The following MAP3K13 variants were observed in gnomAD, a reference collection of about 807,000 sequenced individuals.
MAP3K13 encodes the protein leucine zipper-bearing kinase.
MAP3K13 carries 52 observed loss-of-function variants against 104.0 expected under a neutral mutation model. The observed-to-expected ratio is 0.50, with a 90% CI of 0.40 to 0.63. MAP3K13 has a LOEUF of 0.63. Among genes scored for constraint, MAP3K13 ranks in the 20% least tolerant of loss-of-function variants. The pLI is 0.00. For synonymous variants in MAP3K13, 394 were observed against 442.2 expected, an observed-to-expected ratio of 0.89 and a Z score of 1.37; for missense variants, 914 against 1,218.5, an observed-to-expected ratio of 0.75 and a Z score of 3.72.
At chr3:185,283,968 G>C (rs1016708874) in intron 1 of MAP3K13, among the ~76,000 whole-genome samples, 2 of 142,334 alleles carry the variant, frequency 1.4e-5, no homozygotes, top group Non-Finnish European at 3.0e-5. Context: ...TGGCGATCTC[G>C]GCTCACTGCA....
intron 2 of MAP3K13, among the ~76,000 whole-genome samples, chr3:185,289,904 C>T (rs916363465): frequency 7.2e-5 from 11 of 152,094 alleles, no homozygotes; most frequent in Admixed American, 2.0e-4. Flanking sequence ...GGAGAGGCTG[C>T]GTTGTATAGT....
At chr3:185,380,787 C>T (rs1053273870) in intron 1 of MAP3K13, among the ~76,000 whole-genome samples, 1 of 152,120 alleles carries the variant, frequency 6.6e-6, no homozygotes, top group South Asian at 2.1e-4. Context: ...GTGATGCTAA[C>T]GCTGCTGGTC....
intron 1 of MAP3K13, among the ~76,000 whole-genome samples, chr3:185,425,368 A>G (rs932484712): frequency 6.6e-6 from 1 of 152,170 alleles, no homozygotes; most frequent in Non-Finnish European, 1.5e-5. Flanking sequence ...CAAATAAGTG[A>G]TTTGAAAAGT....
Position 185,473,473 on chromosome 3 carries a change from C to T in MAP3K13, c.2142C>T (p.Asp714=). The change falls in exon 11 of 14, where the codon GAC becomes GAT. Residue 714 remains aspartate, a synonymous_variant. Transcript: ENST00000265026. The surrounding 1 kb of genome is among the most constrained non-coding windows in gnomAD (Gnocchi z 4.9). ...AADCWRSSEP[D]KGQAGPWGCC... is the part of the protein sequence containing the mutation. ...ACTGCTGGAGAAGTTCTGAGCCTGA[C>T]AAGGGCCAAGCTGGTCCCTGGGGCT... is the stretch of plus-strand genomic sequence containing the variant. 1 of 1,614,202 alleles carries T rather than the reference C, an allele frequency of 6.2e-7. No individual in the cohort carries two copies.
intron 2 of MAP3K13, among the ~76,000 whole-genome samples, chr3:185,323,395 G>A (rs1267717959): frequency 6.8e-6 from 1 of 146,098 alleles, no homozygotes; most frequent in Non-Finnish European, 1.5e-5. Flanking sequence ...GGAGTGCAAT[G>A]GCGCGATCTT....
chr3:185,408,340 G>A (rs1713237139), intron 1 of MAP3K13, among the ~76,000 whole-genome samples: 1 of 152,138 alleles, frequency 6.6e-6, no homozygotes, highest in African/African-American at 2.4e-5. Context: ...GGGAGGCTGA[G>A]GCGGGTGGAT....
intron 1 of MAP3K13, among the ~76,000 whole-genome samples, chr3:185,371,472 C>T (rs1356093594): frequency 6.6e-6 from 1 of 152,216 alleles, no homozygotes; most frequent in Admixed American, 6.5e-5. Flanking sequence ...CAATGTAGAA[C>T]ATCCTGCTGA....
intron 2 of MAP3K13, among the ~76,000 whole-genome samples, chr3:185,325,183 G>A (rs1722005143): frequency 6.6e-6 from 1 of 152,200 alleles, no homozygotes; most frequent in African/African-American, 2.4e-5. Flanking sequence ...GATTCAAAAT[G>A]ATCTTAATAA....
intron 5 of MAP3K13, 90 bp from the exon 6 acceptor site, chr3:185,449,810 T>C (rs1715787592): frequency 5.3e-6 from 6 of 1,122,808 alleles, no homozygotes; most frequent in Non-Finnish European, 7.4e-6. Flanking sequence ...ACTGGGTATA[T>C]GTACTAATTT....
At chr3:185,433,027 A>T (rs1714835632) in intron 2 of MAP3K13, among the ~76,000 whole-genome samples, 1 of 152,228 alleles carries the variant, frequency 6.6e-6, no homozygotes, top group Non-Finnish European at 1.5e-5. Flanking sequence ...CATATCACAG[A>T]TGTGTCCCTA....
intron 2 of MAP3K13, among the ~76,000 whole-genome samples, chr3:185,356,461 A>T (rs568580246): frequency 6.6e-6 from 1 of 152,348 alleles, no homozygotes; most frequent in South Asian, 2.1e-4. Flanking sequence ...CTGGCTTCAG[A>T]CAAGACTGAA....
intron 1 of MAP3K13, among the ~76,000 whole-genome samples, chr3:185,406,910 A>C (rs1308443422): frequency 6.6e-6 from 1 of 152,214 alleles, no homozygotes; most frequent in East Asian, 1.9e-4. Context: ...TGTGGAAAAA[A>C]GCCTTGAAAT....
At chr3:185,359,826 C>A (rs1488796667), upstream of MAP3K13, among the ~76,000 whole-genome samples, 1 of 152,066 alleles carries the variant, frequency 6.6e-6, no homozygotes, top group Non-Finnish European at 1.5e-5. Context: ...GATCACTAAA[C>A]TCTTTCTTTT....
chr3:185,356,827 AT>A (rs1020293408), intron 2 of MAP3K13, among the ~76,000 whole-genome samples: 1 of 152,108 alleles, frequency 6.6e-6, no homozygotes, highest in Non-Finnish European at 1.5e-5. Flanking sequence ...GGGGAGAGAT[AT>A]TTCCTTCAAA....
intron 1 of MAP3K13, among the ~76,000 whole-genome samples, chr3:185,376,589 T>A (rs1724443844): frequency 6.6e-6 from 1 of 152,104 alleles, no homozygotes; most frequent in Non-Finnish European, 1.5e-5. Context: ...CTTTTAGGGC[T>A]GTTTTTTAAG....
intron 1 of MAP3K13, among the ~76,000 whole-genome samples, chr3:185,392,205 AG>A (rs1342046630): frequency 3.5e-4 from 54 of 152,240 alleles, no homozygotes; most frequent in African/African-American, 1.2e-3. Flanking sequence ...TGCTTAAGTA[AG>A]GATTTCAGGA....
At chr3:185,300,866 C>G (rs1372998706) in intron 2 of MAP3K13, among the ~76,000 whole-genome samples, 3 of 152,142 alleles carry the variant, frequency 2.0e-5, no homozygotes, top group Non-Finnish European at 2.9e-5. Context: ...TGTTGGTGGA[C>G]ATTTAGGTTG....
Position 185,466,884 on chromosome 3 carries a change from C to T in MAP3K13, c.1564C>T (p.Pro522Ser), listed in dbSNP as rs777461148. The part of the protein sequence containing the change: ...PGTYKRHPVR[P>S]IIHPNAMEKL... ...GACCTACAAACGACACCCTGTTCGT[C>T]CTATCATCCATCCCAATGCCATGGA... Residue 522 changes from proline to serine, a missense_variant, in exon 10 of 14, where the codon CCT becomes TCT. Physicochemically the swap from Pro to Ser is moderately conservative, Grantham distance 74. Around this residue, in one of 3 missense-constraint regions of MAP3K13, gnomAD observed 583 missense variants for 737.4 expected, o/e 0.79. Coordinates refer to ENST00000265026, the MANE Select transcript of MAP3K13 (RefSeq NM_004721.5). 6.2e-7 allele frequency: 1 copy of T among 1,613,952 alleles called. No individual in the cohort carries two copies.
At position 185,317,796 on chromosome 3, in the gene MAP3K13, T is replaced by C. The variant is rs530553174; in HGVS notation, c.-86+32153T>C. On this transcript the variant is annotated intron_variant, in intron 2 of 14. Transcript: ENST00000424227. ...ACCTTTCATTTTGTGTAAAGTTTAT[T>C]GATTCATCTGTGGTGTAACATTCAA... 9.2e-5 allele frequency among the ~76,000 whole-genome samples: 14 copies of C among 152,324 alleles called. No individual in the cohort carries two copies. In the South Asian group the frequency reaches 2.9e-3, roughly 32 times the overall value.
Sources: gnomAD v4.1 joint callset for allele counts (sites outside exome capture counted in the v4.1 genomes callset) on GRCh38, gnomAD v4.1.1 for gene constraint, gnomAD v4.1.1 regional missense constraint, Gnocchi (gnomAD v3.1) non-coding constraint, MANE v1.5 for transcripts, NCBI Gene and HGNC (gene_info 2026-07-23, HGNC 2026-07-21) for gene names.